The following IWS1 variants were observed in gnomAD, a reference collection of about 807,000 sequenced individuals.
IWS1 encodes interacts with SUPT6H, CTD assembly factor 1.
IWS1 carries 27 observed loss-of-function variants against 86.7 expected under a neutral mutation model. That is an observed-to-expected ratio of 0.31 (90% CI 0.23 to 0.43). The LOEUF (loss-of-function observed/expected upper bound fraction) is 0.43, where lower values mean the gene tolerates loss of function less well. Among genes scored for constraint, IWS1 ranks in the 20% least tolerant of loss-of-function variants. The pLI is 1.00. For synonymous variants in IWS1, 313 were observed against 335.1 expected (o/e 0.93, Z 0.72); for missense variants, 827 against 1,000.8 (o/e 0.83, Z 2.34).
At chr2:127,501,007 T>C (rs1690773628) in intron 5 of IWS1, among the ~76,000 whole-genome samples, 1 of 152,250 alleles carries the variant, frequency 6.6e-6, no homozygotes, top group Admixed American at 6.5e-5. Flanking sequence ...AATTTACTGC[T>C]GTCATGTTTT....
Position 127,504,804 on chromosome 2 carries a change from CCTCA to C in IWS1, c.1095_1098del (p.Ser365ArgfsTer24), listed in dbSNP as rs1473340622. ...ATTTTTTGCTTTTTGTGTTCTTCCT[CCTCA>C]CTATCAGAACTGTGAAACTTTTTTC... On this transcript the variant is annotated frameshift_variant, in exon 3 of 14. Coordinates refer to ENST00000295321, the MANE Select transcript of IWS1 (RefSeq NM_017969.3). LOFTEE classifies it high-confidence loss of function. 2.5e-6 allele frequency: 4 copies of C among 1,614,086 alleles called. No homozygotes were observed. Among genetic ancestry groups the C allele is most frequent in the Non-Finnish European group, 3.4e-6 (4 of 1,180,030 alleles).
chr2:127,487,366 T>C (rs934481143), intron 12 of IWS1, among the ~76,000 whole-genome samples: 2 of 152,204 alleles, frequency 1.3e-5, no homozygotes, highest in African/African-American at 4.8e-5. Context: ...TGCAAATCCG[T>C]GGGTAACCAT....
chr2:127,525,535 G>T (rs577403271), intron 1 of IWS1, among the ~76,000 whole-genome samples: 8 of 152,174 alleles, frequency 5.3e-5, no homozygotes, highest in Admixed American at 3.3e-4. Context: ...CCCACACCAG[G>T]TTCTGCCTCA....
intron 2 of IWS1, among the ~76,000 whole-genome samples, chr2:127,512,311 A>G (rs1022118228): frequency 2.0e-5 from 3 of 152,238 alleles, no homozygotes; most frequent in Non-Finnish European, 4.4e-5. Flanking sequence ...TAGAACTGGC[A>G]ACTAGTTACA....
At chr2:127,515,461 G>A (rs977647454) in intron 2 of IWS1, among the ~76,000 whole-genome samples, 3 of 152,166 alleles carry the variant, frequency 2.0e-5, no homozygotes, top group Non-Finnish European at 4.4e-5. Context: ...GAAACTCCAT[G>A]AGATGAAAGA....
At chr2:127,502,945 T>C (rs545488995) in intron 4 of IWS1, 73 bp from the exon 5 acceptor site, 7 of 864,582 alleles carry the variant, frequency 8.1e-6, no homozygotes, top group Admixed American at 6.0e-5. Context: ...TTTTAAAAAA[T>C]AGAATTTATG....
rs1345532715 is a variant in IWS1, at chr2:127,496,036, C to T, written c.1678G>A (p.Val560Met). 1.9e-6 allele frequency: 3 copies of T among 1,613,500 alleles called. No individual in the cohort carries two copies. The highest frequency in any genetic ancestry group is 2.5e-6 in the Non-Finnish European group (3 of 1,179,848). ...TTCATCTTGACGATCATGGCACTCA[C>T]GACGTCGTCTGCATCACTAATAAAG... ...GTFISDADDV[V>M]SAMIVKMNEA... Residue 560 changes from valine (V) to methionine (M), a missense_variant, in exon 7 of 14, where the codon GTG (valine) becomes ATG (methionine). Around this residue, in one of 2 missense-constraint regions of IWS1, gnomAD observed 279 missense variants for 440.6 expected, o/e 0.63. Transcript: ENST00000295321.
chr2:127,492,253 T>A (rs1690266474), intron 9 of IWS1, among the ~76,000 whole-genome samples, 165 bp from the exon 10 acceptor site: 1 of 152,110 alleles, frequency 6.6e-6, no homozygotes, highest in Non-Finnish European at 1.5e-5. Context: ...CATCAAAAGT[T>A]CAGAGTTCAG....
intron 2 of IWS1, among the ~76,000 whole-genome samples, chr2:127,508,514 T>C (rs1020222446): frequency 6.6e-6 from 1 of 152,186 alleles, no homozygotes; most frequent in African/African-American, 2.4e-5. Flanking sequence ...CCATGATATA[T>C]CCATCACATA....
intron 5 of IWS1, chr2:127,501,754 A>G (rs978561951): frequency 8.8e-5 from 11 of 125,056 alleles, no homozygotes; most frequent in Middle Eastern, 4.3e-3. Flanking sequence ...GGGCCTCACT[A>G]TTTTACCCTG....
In IWS1 at chr2:127,494,352, G is replaced by C. The variant is rs375953924; in HGVS notation, c.1799+520C>G. On this transcript the variant is annotated intron_variant, in intron 8 of 13. Transcript: ENST00000295321. Reference sequence around the variant, plus strand: ...AAGGATCAATAATTGTGACACATTAGAGTCATATAAGCCTTGTACAATGCA... The same window carrying C: ...AAGGATCAATAATTGTGACACATTACAGTCATATAAGCCTTGTACAATGCA... 11 of 151,660 alleles carry C rather than the reference G, an allele frequency of 7.3e-5. No homozygotes were observed. In the East Asian group the frequency reaches 1.9e-3, roughly 27 times the overall value. 9.4% of individuals were successfully genotyped at this position (151,660 alleles called of 1,614,324 possible).
intron 2 of IWS1, among the ~76,000 whole-genome samples, chr2:127,522,786 T>C (rs1692171055): frequency 6.6e-6 from 1 of 152,266 alleles, no homozygotes; most frequent in Admixed American, 6.5e-5. Context: ...AATTTTATCT[T>C]GTTAACATGA....
At chr2:127,498,005 G>A (rs1168510478) in intron 6 of IWS1, 135 bp downstream of exon 6, 11 of 624,770 alleles carry the variant, frequency 1.8e-5, no homozygotes, top group Admixed American at 6.3e-5. Flanking sequence ...TGACAACACC[G>A]TAAATGGAGA....
At chr2:127,506,400 A>G (rs778599639) in intron 2 of IWS1, among the ~76,000 whole-genome samples, 2 of 152,046 alleles carry the variant, frequency 1.3e-5, no homozygotes, top group Non-Finnish European at 2.9e-5. Flanking sequence ...AAATAACTCT[A>G]TTTTTCAAAG....
chr2:127,502,370 A>G (rs1381983650), intron 5 of IWS1, among the ~76,000 whole-genome samples: 1 of 152,218 alleles, frequency 6.6e-6, no homozygotes, highest in Non-Finnish European at 1.5e-5. Flanking sequence ...AAGCACTTCT[A>G]AACACTGAAT....
intron 2 of IWS1, among the ~76,000 whole-genome samples, chr2:127,516,770 CCT>C (rs1419751955): frequency 6.6e-6 from 1 of 152,140 alleles, no homozygotes; most frequent in Admixed American, 6.5e-5. Context: ...TGCACTCCAA[CCT>C]AGGCAACAGA....
Position 127,491,865 on chromosome 2 carries a change from C to T in IWS1, c.2047+106G>A, listed in dbSNP as rs334152. 0.86 allele frequency: 612,772 copies of T among 715,946 alleles called. 263,408 individuals carry two copies. Among genetic ancestry groups the T allele is most frequent in the East Asian group, 1 (40,283 of 40,364 alleles). The allele number at this position is 715,946 out of a possible 1,614,324, so 44.3% of individuals were successfully genotyped here. The stretch of plus-strand genomic sequence containing the variant: ...TTCAAAAATTTCTATTCCACTTTAC[C>T]GACTCGTTTAAAACAAATACTGGTA... On this transcript the variant is annotated intron_variant, in intron 10 of 13. Coordinates refer to ENST00000295321, the MANE Select transcript of IWS1 (RefSeq NM_017969.3).
At chr2:127,520,826 G>A (rs1692052244) in intron 2 of IWS1, among the ~76,000 whole-genome samples, 1 of 152,230 alleles carries the variant, frequency 6.6e-6, no homozygotes, top group Non-Finnish European at 1.5e-5. Context: ...TAGCTAAACA[G>A]CATAAATGAC....
chr2:127,517,255 A>C (rs1691825786), intron 2 of IWS1, among the ~76,000 whole-genome samples: 1 of 152,240 alleles, frequency 6.6e-6, no homozygotes, highest in African/African-American at 2.4e-5. Context: ...ACTGATTCTA[A>C]AATACACAGG....
Sources: gnomAD v4.1 joint callset for allele counts (sites outside exome capture counted in the v4.1 genomes callset) on GRCh38, gnomAD v4.1.1 for gene constraint, gnomAD v4.1.1 regional missense constraint, MANE v1.5 for transcripts, NCBI Gene and HGNC (gene_info 2026-07-23, HGNC 2026-07-21) for gene names.